Variants in NDST4 observed in about 807,000 individuals in gnomAD.
The protein encoded by NDST4 is N-heparan sulfate sulfotransferase 4.
A neutral mutation model predicts 100.8 loss-of-function variants in NDST4; 63 were observed. The ratio of observed to expected loss-of-function variants is 0.62; its 90% CI spans 0.51 to 0.77. NDST4 has a LOEUF of 0.77. Among genes scored for constraint, NDST4 ranks in the 30% least tolerant of loss-of-function variants. The pLI is 0.00. For synonymous variants in NDST4, 377 were observed against 361.8 expected, an observed-to-expected ratio of 1.04 and a Z score of -0.48; for missense variants, 943 against 1,018.4, an observed-to-expected ratio of 0.93 and a Z score of 1.01.
chr4:114,913,111 A>T (rs1291527928), intron 6 of NDST4, among the ~76,000 whole-genome samples: 1 of 151,636 alleles, frequency 6.6e-6, no homozygotes, highest in African/African-American at 2.4e-5. Flanking sequence ...TTGACAATGG[A>T]GTTACAGGCC....
intron 2 of NDST4, among the ~76,000 whole-genome samples, chr4:114,996,917 T>G (rs1727177931): frequency 6.6e-6 from 1 of 152,100 alleles, no homozygotes; most frequent in Admixed American, 6.6e-5. Flanking sequence ...AAATATCTAC[T>G]TACTTTTACT....
At chr4:115,092,982 T>C (rs536684279) in intron 1 of NDST4, among the ~76,000 whole-genome samples, 1 of 152,258 alleles carries the variant, frequency 6.6e-6, no homozygotes. Flanking sequence ...AAAGTAATCA[T>C]GAAAAAGATA....
In NDST4 at chr4:115,009,371, A is replaced by T. The variant is rs1727491590; in HGVS notation, c.979-32097T>A. Among the ~76,000 whole-genome samples, 2 of 128,194 alleles carry T rather than the reference A, an allele frequency of 1.6e-5. 1 individual carries two copies. Among genetic ancestry groups the T allele is most frequent in the South Asian group, 6.1e-4 (2 of 3,296 alleles). 84.1% of individuals were successfully genotyped at this position (128,194 alleles called of 152,430 possible). On this transcript the variant is annotated intron_variant, in intron 2 of 13. Coordinates refer to ENST00000264363, the MANE Select transcript of NDST4 (RefSeq NM_022569.3). ...AATGGAACAGAACAGAGCCCTCAGAAATAATGCTGCATATCTACAACTATC... is the reference window on the plus strand; with the variant it reads ...AATGGAACAGAACAGAGCCCTCAGATATAATGCTGCATATCTACAACTATC...
intron 2 of NDST4, among the ~76,000 whole-genome samples, chr4:115,032,850 C>A (rs528192880): frequency 3.3e-5 from 5 of 151,968 alleles, no homozygotes; most frequent in East Asian, 1.9e-4. Flanking sequence ...TTGAGTTTCC[C>A]AAGACATACT....
intron 1 of NDST4, among the ~76,000 whole-genome samples, chr4:115,081,312 C>A (rs1302966112): frequency 2.0e-5 from 3 of 152,152 alleles, no homozygotes; most frequent in African/African-American, 7.2e-5. Flanking sequence ...CCTAGCAAAA[C>A]TGGCCGGTGG....
chr4:114,867,664 G>GAAAA (rs1491405935), intron 7 of NDST4, among the ~76,000 whole-genome samples: 1 of 26,080 alleles, frequency 3.8e-5, no homozygotes, highest in Non-Finnish European at 9.7e-5. Context: ...AAAAAAAAAA[G>GAAAA]CAAAAAAAAA....
intron 2 of NDST4, among the ~76,000 whole-genome samples, chr4:115,006,531 G>T (rs1944637344): frequency 6.6e-6 from 1 of 152,150 alleles, no homozygotes; most frequent in Non-Finnish European, 1.5e-5. Context: ...AAGTCAAAAA[G>T]AAGTTGTTAA....
chr4:115,007,705 A>G (rs1339660418), intron 2 of NDST4, among the ~76,000 whole-genome samples: 2 of 129,638 alleles, frequency 1.5e-5, no homozygotes, highest in Non-Finnish European at 3.3e-5. Flanking sequence ...AACAAACCAA[A>G]ATAAAAGACC....
intron 13 of NDST4, 126 bp downstream of exon 13, chr4:114,829,664 A>C: frequency 1.6e-6 from 1 of 606,952 alleles, no homozygotes; most frequent in Non-Finnish European, 2.8e-6. Flanking sequence ...ATCATCCTCT[A>C]AGTATATAAA....
chr4:114,947,609 A>T (rs1725894298), intron 4 of NDST4, among the ~76,000 whole-genome samples: 1 of 152,172 alleles, frequency 6.6e-6, no homozygotes, highest in Non-Finnish European at 1.5e-5. Flanking sequence ...GGTGGAAATA[A>T]GAATGGTATT....
intron 1 of NDST4, among the ~76,000 whole-genome samples, chr4:115,086,752 C>G (rs1227710142): frequency 2.0e-5 from 3 of 151,862 alleles, no homozygotes; most frequent in Non-Finnish European, 2.9e-5. Context: ...TTCTTATTTT[C>G]TAAAGCAAAG....
intron 1 of NDST4, among the ~76,000 whole-genome samples, chr4:115,112,001 GTTT>G (rs1729962977): frequency 6.6e-6 from 1 of 151,658 alleles, no homozygotes; most frequent in Non-Finnish European, 1.5e-5. Context: ...TTATTAATTA[GTTT>G]TTTATGAATT....
intron 2 of NDST4, among the ~76,000 whole-genome samples, chr4:114,982,724 G>A (rs1184810935): frequency 3.9e-5 from 6 of 152,154 alleles, no homozygotes; most frequent in African/African-American, 1.4e-4. Context: ...AAGTCAAGAG[G>A]AGCCAAATGT....
intron 4 of NDST4, among the ~76,000 whole-genome samples, chr4:114,955,442 T>C (rs1726116026): frequency 6.6e-6 from 1 of 152,168 alleles, no homozygotes; most frequent in Non-Finnish European, 1.5e-5. Flanking sequence ...GTGGGCTATC[T>C]TAAGTTAGCT....
intron 2 of NDST4, among the ~76,000 whole-genome samples, chr4:115,039,511 GAT>G (rs775084688): frequency 4.6e-5 from 7 of 151,996 alleles, no homozygotes; most frequent in Non-Finnish European, 1.0e-4. Context: ...TGATATAAAA[GAT>G]GTGTGTGCAT....
intron 6 of NDST4, among the ~76,000 whole-genome samples, chr4:114,902,810 T>C (rs1162507425): frequency 6.6e-6 from 1 of 152,080 alleles, no homozygotes; most frequent in East Asian, 1.9e-4. Context: ...CTGAGATATT[T>C]TCAAGCTCAG....
chr4:114,965,164 A>G (rs528667453), intron 4 of NDST4, among the ~76,000 whole-genome samples: 8 of 152,144 alleles, frequency 5.3e-5, no homozygotes, highest in African/African-American at 1.7e-4. Context: ...CCTATAAGTT[A>G]TTATCAGTTT....
intron 8 of NDST4, 92 bp downstream of exon 8, chr4:114,852,633 A>G (rs1034030976): frequency 1.4e-6 from 1 of 693,464 alleles, no homozygotes; most frequent in African/African-American, 1.9e-5. Context: ...AATATTTCAC[A>G]AAGAAAAATC....
chr4:114,894,971 A>G (rs59947847), intron 6 of NDST4, among the ~76,000 whole-genome samples: 2,210 of 152,180 alleles, frequency 0.015, 49 homozygotes, highest in African/African-American at 0.05. Context: ...ATTTTATCAA[A>G]GGCATTTTCT....
Sources: allele counts gnomAD v4.1 joint callset (sites outside exome capture counted in the v4.1 genomes callset), GRCh38; gene constraint gnomAD v4.1.1; transcripts MANE v1.5; gene names NCBI Gene and HGNC (gene_info 2026-07-23, HGNC 2026-07-21).